Variants in PTPRG observed in about 807,000 individuals in gnomAD.
The protein encoded by PTPRG is protein tyrosine phosphatase receptor type G, also known as receptor-type tyrosine-protein phosphatase gamma.
PTPRG carries 102 observed loss-of-function variants against 165.3 expected under a neutral mutation model. The ratio of observed to expected loss-of-function variants is 0.62; its 90% CI spans 0.53 to 0.73. PTPRG has a LOEUF of 0.73. Among genes scored for constraint, PTPRG ranks in the 30% least tolerant of loss-of-function variants. The pLI is 0.00. For missense variants in PTPRG, 1,866 were observed against 1,861.4 expected (o/e 1.00, Z -0.05); for synonymous variants, 675 against 669.5 (o/e 1.01, Z -0.13).
intron 5 of PTPRG, among the ~76,000 whole-genome samples, chr3:62,106,856 T>A (rs974259089): frequency 6.6e-6 from 1 of 152,188 alleles, no homozygotes; most frequent in African/African-American, 2.4e-5. Flanking sequence ...TATCTTTGGG[T>A]GTATGACTTA....
intron 4 of PTPRG, among the ~76,000 whole-genome samples, chr3:62,062,098 G>A (rs1411816950): frequency 6.6e-6 from 1 of 151,808 alleles, no homozygotes; most frequent in Non-Finnish European, 1.5e-5. Flanking sequence ...TTGGGAGTTC[G>A]AGACCAGCCT....
rs544433441 is a variant in PTPRG at position 61,700,224 on chromosome 3, C to T, written c.86-48654C>T. 1.5e-4 allele frequency among the ~76,000 whole-genome samples: 23 copies of T among 152,276 alleles called. No individual in the cohort carries two copies. The South Asian group carries it at 2.7e-3, about 18-fold the overall frequency. ...TAAGTCAACTCTCACATTGCTAGAA[C>T]GATGCTGTGGGATCCTCATATGAAC... On this transcript the variant is annotated intron_variant, in intron 1 of 29. Transcript: ENST00000474889.
At chr3:61,699,484 C>T (rs1196040144) in intron 1 of PTPRG, among the ~76,000 whole-genome samples, 1 of 152,184 alleles carries the variant, frequency 6.6e-6, no homozygotes, top group Non-Finnish European at 1.5e-5. Flanking sequence ...GTCCTACAGA[C>T]ATCATTAAGG....
At chr3:62,093,546 T>G (rs1702013684) in intron 5 of PTPRG, among the ~76,000 whole-genome samples, 1 of 152,190 alleles carries the variant, frequency 6.6e-6, no homozygotes, top group Non-Finnish European at 1.5e-5. Flanking sequence ...GTATGAGATT[T>G]GCTCATAAGG....
Position 62,160,616 on chromosome 3 carries a change from T to G in PTPRG, c.840+3392T>G, listed in dbSNP as rs80274076. Among the ~76,000 whole-genome samples, 1,189 of 152,366 alleles carry G rather than the reference T, an allele frequency of 7.8e-3. 14 individuals are homozygous for G. The highest frequency in any genetic ancestry group is 0.028 in the African/African-American group (1,151 of 41,578). On this transcript the variant is annotated intron_variant, in intron 7 of 29. Coordinates refer to ENST00000474889, the MANE Select transcript of PTPRG (RefSeq NM_002841.4). ...TTCATGATCAGTCATAGAAGATGAT[T>G]AGCTTTCAGTCCAGTTAACTAGGAT...
chr3:61,818,116 T>G (rs1302259942), intron 2 of PTPRG, among the ~76,000 whole-genome samples: 1 of 152,102 alleles, frequency 6.6e-6, no homozygotes, highest in Non-Finnish European at 1.5e-5. Flanking sequence ...ACCCCATGAT[T>G]AGCGTTTGGG....
rs564548124 is a variant in PTPRG at position 61,663,148 on chromosome 3, AC to A, written c.86-85727del. Among the ~76,000 whole-genome samples, 53 of 152,254 alleles carry A rather than the reference AC, an allele frequency of 3.5e-4. No homozygotes were observed. The East Asian group carries it at 7.7e-3, about 22-fold the overall frequency. On this transcript the variant is annotated intron_variant, in intron 1 of 29. Coordinates refer to ENST00000474889, the MANE Select transcript of PTPRG (RefSeq NM_002841.4). ...AATACAAGAATCAGCTAGTCTCATA[AC>A]CCGGTCTCAAAATAAATAAAAAATA...
rs533030600 is a variant in PTPRG, at chr3:62,058,598, G to C, written c.520-19565G>C. 5.3e-5 allele frequency among the ~76,000 whole-genome samples: 8 copies of C among 152,170 alleles called. No individual in the cohort carries two copies. In the East Asian group the frequency reaches 1.4e-3, roughly 26 times the overall value. The stretch of plus-strand genomic sequence containing the variant: ...CTGCCAAGCTTCATTCTTGCCCTGC[G>C]TTTATGGATCTGGGGAGTTTATGTC... On this transcript the variant is annotated intron_variant, in intron 4 of 29. Coordinates refer to ENST00000474889, the MANE Select transcript of PTPRG (RefSeq NM_002841.4).
Position 61,701,964 on chromosome 3 carries a change from AGT to A in PTPRG, c.86-46913_86-46912del, listed in dbSNP as rs1468875960. Among the ~76,000 whole-genome samples the A allele has an allele frequency of 1.6e-4, 24 of 145,534 alleles. 1 individual carries two copies. In the East Asian group the frequency reaches 4.1e-3, roughly 25 times the overall value. ...AAGGAAGGAAAGAAAAAAGGAAAAA[AGT>A]AGCCTGTGTGCTTTCTTTTCTTTAT... On this transcript the variant is annotated intron_variant, in intron 1 of 29. Transcript: ENST00000474889.
intron 13 of PTPRG, among the ~76,000 whole-genome samples, chr3:62,227,844 G>A: frequency 6.6e-6 from 1 of 152,254 alleles, no homozygotes; most frequent in Non-Finnish European, 1.5e-5. Flanking sequence ...TAGCTAACAT[G>A]TTTTTTTAAA....
rs369081722 is a variant in PTPRG, at chr3:61,706,588, G to C, written c.86-42290G>C. ...GGCTCACTGCCACCTCCGCCTCCGGGGTTCAAGCGATTCTCTTGCCTCAGC... is the reference window on the plus strand; with the variant it reads ...GGCTCACTGCCACCTCCGCCTCCGGCGTTCAAGCGATTCTCTTGCCTCAGC... On this transcript the variant is annotated intron_variant, in intron 1 of 29. Transcript: ENST00000474889. Among the ~76,000 whole-genome samples, 11 of 151,788 alleles carry C rather than the reference G, an allele frequency of 7.2e-5. No homozygotes were observed. In the East Asian group the frequency reaches 1.2e-3, roughly 16 times the overall value.
intron 1 of PTPRG, among the ~76,000 whole-genome samples, chr3:61,564,246 A>G (rs1575503918): frequency 6.6e-6 from 1 of 152,166 alleles, no homozygotes; most frequent in African/African-American, 2.4e-5. Context: ...TCAGGTGCAC[A>G]CAGGGGTTGA....
chr3:62,028,248 GA>G (rs1699636771), intron 4 of PTPRG, among the ~76,000 whole-genome samples: 1 of 152,110 alleles, frequency 6.6e-6, no homozygotes. Flanking sequence ...TCTTCAAAAT[GA>G]TCTTTTTGTG....
At chr3:62,015,098 G>A (rs916831569) in intron 4 of PTPRG, among the ~76,000 whole-genome samples, 1 of 152,248 alleles carries the variant, frequency 6.6e-6, no homozygotes, top group Admixed American at 6.5e-5. Flanking sequence ...AATACAGTAT[G>A]TAGAATGTTT....
chr3:61,678,150 A>G (rs767172827), intron 1 of PTPRG, among the ~76,000 whole-genome samples: 1 of 152,176 alleles, frequency 6.6e-6, no homozygotes, highest in Non-Finnish European at 1.5e-5. Context: ...TCTCATAAGC[A>G]AACCAAAGGC....
At chr3:61,939,675 A>G (rs1356346405) in intron 2 of PTPRG, among the ~76,000 whole-genome samples, 1 of 152,160 alleles carries the variant, frequency 6.6e-6, no homozygotes, top group Non-Finnish European at 1.5e-5. Flanking sequence ...ATTGATCCAA[A>G]AGGTCCAATA....
At chr3:61,962,304 A>G (rs1315194033) in intron 2 of PTPRG, among the ~76,000 whole-genome samples, 3 of 152,170 alleles carry the variant, frequency 2.0e-5, no homozygotes, top group African/African-American at 7.2e-5. Flanking sequence ...AAGCATATCA[A>G]TTTTTCTTAA....
At position 61,852,140 on chromosome 3, in the gene PTPRG, T is replaced by G. The variant is rs1469670641; in HGVS notation, c.190+103158T>G. The stretch of plus-strand genomic sequence containing the variant: ...TTTAATAAACCCATTTTTGTTAATT[T>G]CTTTTTAAGGTGTTTGGATACAGTA... On this transcript the variant is annotated intron_variant, in intron 2 of 29. Transcript: ENST00000474889. Among the ~76,000 whole-genome samples, 3 of 152,220 alleles carry G rather than the reference T, an allele frequency of 2.0e-5. No individual in the cohort carries two copies. The East Asian group carries it at 5.8e-4, about 29-fold the overall frequency.
At chr3:62,042,018 G>C (rs1391186527) in intron 4 of PTPRG, among the ~76,000 whole-genome samples, 1 of 152,136 alleles carries the variant, frequency 6.6e-6, no homozygotes, top group African/African-American at 2.4e-5. Context: ...AGTTTACCCA[G>C]GATTATACCC....
Sources: allele counts gnomAD v4.1 joint callset (sites outside exome capture counted in the v4.1 genomes callset), GRCh38; gene constraint gnomAD v4.1.1; transcripts MANE v1.5; gene names NCBI Gene and HGNC (gene_info 2026-07-23, HGNC 2026-07-21).